The following EIF2AK3 variants were observed in gnomAD, a reference collection of about 807,000 sequenced individuals.
EIF2AK3 encodes eukaryotic translation initiation factor 2-alpha kinase 3.
In EIF2AK3, 50 loss-of-function variants were observed where a neutral mutation model predicts 113.5. That is an observed-to-expected ratio of 0.44 (90% confidence interval 0.35 to 0.56). The LOEUF (loss-of-function observed/expected upper bound fraction) is 0.56, where lower values mean the gene tolerates loss of function less well. Ranked by LOEUF, EIF2AK3 falls within the 20% of genes least tolerant of loss-of-function variation. The pLI, the probability that EIF2AK3 is intolerant of heterozygous loss-of-function variation, is 0.00. For missense variants in EIF2AK3, 1,185 were observed against 1,378.0 expected (o/e 0.86, Z 2.22); for synonymous variants, 448 against 495.4 (o/e 0.90, Z 1.27).
At chr2:88,598,961 G>A (rs1675084087) in intron 2 of EIF2AK3, among the ~76,000 whole-genome samples, 1 of 151,954 alleles carries the variant, frequency 6.6e-6, no homozygotes, top group Non-Finnish European at 1.5e-5. Context: ...AGAGGACACG[G>A]GCAAGCATAT....
Position 88,559,049 on chromosome 2 carries a change from C to CT in EIF2AK3, c.3088-71dup, listed in dbSNP as rs374180620. On this transcript the variant is annotated intron_variant, in intron 15 of 16. Coordinates refer to ENST00000303236, the MANE Select transcript of EIF2AK3 (RefSeq NM_004836.7). ...CAACATGAAAATATTTTTTGATACT[C>CT]TAACAAAATGACTAAGAGGTTGTAC... 3.9e-4 allele frequency: 414 copies of CT among 1,066,562 alleles called. 2 individuals are homozygous for CT. The African/African-American group carries it at 6.2e-3, about 16-fold the overall frequency. The allele number at this position is 1,066,562 out of a possible 1,614,324, so 66.1% of individuals were successfully genotyped here. A position where few individuals can be genotyped will look rare whatever the true frequency, so the allele number is the denominator to read the frequency against.
chr2:88,617,607 A>G (rs1449989432), intron 1 of EIF2AK3, among the ~76,000 whole-genome samples: 1 of 151,956 alleles, frequency 6.6e-6, no homozygotes, highest in Non-Finnish European at 1.5e-5. Context: ...ATAAAAAAAA[A>G]TTAGCCGGGC....
intron 1 of EIF2AK3, among the ~76,000 whole-genome samples, chr2:88,623,038 G>A (rs758259566): frequency 1.1e-4 from 17 of 152,332 alleles, no homozygotes; most frequent in Non-Finnish European, 1.9e-4. Flanking sequence ...AGGAATTAGA[G>A]CCAGAGGAAA....
chr2:88,595,475 A>G lies in EIF2AK3; in HGVS notation c.627T>C (p.Ser209=), dbSNP rs753207389. ...ATTCAGCATTTTCACTTACCTTTCC[A>G]CTATATGCACTGAGTCCATATGTAG... ...SLTTYGLSAY[S]GKVRYICSAL... The change falls in exon 3 of 17, where the codon AGT becomes AGC. Residue 209 remains serine (S), a synonymous_variant. Transcript: ENST00000303236. 4 of 1,613,700 alleles carry G rather than the reference A, an allele frequency of 2.5e-6. No homozygotes were observed. The highest frequency in any genetic ancestry group is 3.3e-5 in the Admixed American group (2 of 59,998).
At chr2:88,569,836 TTGAAA>T (rs1674244132) in intron 14 of EIF2AK3, among the ~76,000 whole-genome samples, 2 of 152,344 alleles carry the variant, frequency 1.3e-5, no homozygotes, top group East Asian at 3.9e-4. Context: ...CTACAATTAC[TTGAAA>T]TGAAATATTG....
In EIF2AK3 at chr2:88,558,844, G is replaced by C. The variant is rs1227548525; in HGVS notation, c.3150+73C>G. ...CCTCATCTGTAAAATAGGGGAAACT[G>C]AGTCGACTGCTAAGGACCGCTTACG... On this transcript the variant is annotated intron_variant, in intron 16 of 16. Transcript: ENST00000303236. 4.1e-6 allele frequency: 5 copies of C among 1,216,712 alleles called. No individual in the cohort carries two copies. The African/African-American group carries it at 7.6e-5, about 18-fold the overall frequency. 75.4% of individuals were successfully genotyped at this position (1,216,712 alleles called of 1,614,324 possible).
chr2:88,559,567 T>C (rs1176519939), intron 15 of EIF2AK3, among the ~76,000 whole-genome samples: 1 of 151,564 alleles, frequency 6.6e-6, no homozygotes, highest in Non-Finnish European at 1.5e-5. Flanking sequence ...TATATGTGTA[T>C]ATATGTATGT....
chr2:88,585,432 T>A (rs1459641333), intron 9 of EIF2AK3, among the ~76,000 whole-genome samples: 2 of 151,568 alleles, frequency 1.3e-5, no homozygotes, highest in Non-Finnish European at 2.9e-5. Context: ...GAACCATTAG[T>A]ATATAAGAAG....
chr2:88,592,343 T>C (rs1465192998), intron 4 of EIF2AK3, among the ~76,000 whole-genome samples: 1 of 152,132 alleles, frequency 6.6e-6, no homozygotes, highest in Non-Finnish European at 1.5e-5. Context: ...ATTGAGATAA[T>C]CAAACTATGA....
intron 14 of EIF2AK3, among the ~76,000 whole-genome samples, chr2:88,569,731 A>C (rs1348562724): frequency 1.3e-5 from 2 of 152,254 alleles, no homozygotes; most frequent in Non-Finnish European, 2.9e-5. Context: ...ACCAGAGTAC[A>C]AAATATTCAT....
chr2:88,568,199 A>G (rs1674193722), intron 14 of EIF2AK3, among the ~76,000 whole-genome samples: 1 of 152,214 alleles, frequency 6.6e-6, no homozygotes, highest in African/African-American at 2.4e-5. Flanking sequence ...CTGGTCTCTG[A>G]TATAATCTTT....
chr2:88,614,926 AC>A (rs764904394), intron 1 of EIF2AK3, among the ~76,000 whole-genome samples: 4 of 152,010 alleles, frequency 2.6e-5, no homozygotes, highest in East Asian at 3.9e-4. Context: ...ACGACCACCA[AC>A]CTCAAAAAGG....
intron 4 of EIF2AK3, among the ~76,000 whole-genome samples, chr2:88,591,463 AT>A (rs1346172878): frequency 6.6e-6 from 1 of 152,184 alleles, no homozygotes; most frequent in East Asian, 1.9e-4. Context: ...CAAAATTAAT[AT>A]GCCCTAACAA....
chr2:88,590,344 TA>T, intron 6 of EIF2AK3, 98 bp downstream of exon 6: 1 of 1,242,466 alleles, frequency 8.0e-7, no homozygotes, highest in Non-Finnish European at 1.2e-6. Context: ...TATTAGGATT[TA>T]AAACTACTAC....
chr2:88,591,325 C>T (rs1674884408), intron 4 of EIF2AK3, among the ~76,000 whole-genome samples: 1 of 152,156 alleles, frequency 6.6e-6, no homozygotes, highest in South Asian at 2.1e-4. Context: ...CTCTCAAAAA[C>T]TTACAAATGT....
intron 10 of EIF2AK3, among the ~76,000 whole-genome samples, chr2:88,581,100 A>G (rs1674588415): frequency 6.6e-6 from 1 of 152,142 alleles, no homozygotes; most frequent in South Asian, 2.1e-4. Flanking sequence ...CAGCTGATAA[A>G]TAACAGAGCT....
intron 2 of EIF2AK3, among the ~76,000 whole-genome samples, chr2:88,607,546 A>G (rs1675321552): frequency 6.6e-6 from 1 of 152,222 alleles, no homozygotes; most frequent in African/African-American, 2.4e-5. Context: ...GTCCCAAGGT[A>G]CACAATTCAT....
intron 16 of EIF2AK3, 83 bp downstream of exon 16, chr2:88,558,834 A>G: frequency 8.9e-7 from 1 of 1,123,462 alleles, no homozygotes; most frequent in East Asian, 2.5e-5. Context: ...TCTGTAAAAT[A>G]GGGGAAACTG....
Position 88,626,981 on chromosome 2 carries a change from C to T in EIF2AK3, c.294G>A (p.Leu98=), listed in dbSNP as rs771395943. The part of the protein sequence containing the change: ...RGPEPDDETE[L]RPRGRSLVII... ...CAGCCCCTCACCTGCCGCGCGGTCG[C>T]AACTCTGTCTCATCGTCTGGTTCCG... Residue 98 remains leucine (L), a synonymous_variant, in exon 1 of 17, where the codon TTG becomes TTA. Transcript: ENST00000303236. The T allele has an allele frequency of 6.2e-7, 1 of 1,609,366 alleles. No individual in the cohort carries two copies. Among genetic ancestry groups the T allele is most frequent in the Non-Finnish European group, 8.5e-7 (1 of 1,178,856 alleles).
Sources: allele counts gnomAD v4.1 joint callset (sites outside exome capture counted in the v4.1 genomes callset), GRCh38; gene constraint gnomAD v4.1.1; transcripts MANE v1.5; gene names NCBI Gene and HGNC (gene_info 2026-07-23, HGNC 2026-07-21).